The following GINM1 variants were observed in gnomAD, a reference collection of about 807,000 sequenced individuals.
GINM1 encodes the protein glycosylated integral membrane protein 1, also known as glycoprotein integral membrane protein 1.
GINM1 carries 29 observed loss-of-function variants against 37.8 expected under a neutral mutation model. That is an observed-to-expected ratio of 0.77 (90% CI 0.57 to 1.05). The LOEUF is 1.05. Ranked by LOEUF, GINM1 falls within the 50% of genes least tolerant of loss-of-function variation. GINM1 has a pLI of 0.00. For synonymous variants in GINM1, 143 were observed against 146.2 expected, an observed-to-expected ratio of 0.98 and a Z score of 0.16; for missense variants, 377 against 397.9, an observed-to-expected ratio of 0.95 and a Z score of 0.45.
At chr6:149,575,246 C>A (rs1430182483) in intron 3 of GINM1, among the ~76,000 whole-genome samples, 2 of 152,206 alleles carry the variant, frequency 1.3e-5, no homozygotes, top group Non-Finnish European at 2.9e-5. Context: ...CATTTTCCTT[C>A]GGCCTAAAGA....
chr6:149,566,499 GC>G lies in GINM1; in HGVS notation c.90del (p.Glu31SerfsTer17). On this transcript the variant is annotated frameshift_variant, in exon 1 of 8. Transcript: ENST00000367419. LOFTEE classifies it high-confidence loss of function. The surrounding 1 kb of genome is among the most constrained non-coding windows in gnomAD (Gnocchi z 4.4). ...CGCCTCCGGCTGGCTGACGACGGGC[GC>G]CCCCGAGCCGCCGCCGCTGTCCGGA... The part of the protein sequence containing the change: ...LPASGWLTTG[A>X]PEPPPLSGAP... 4 of 1,536,048 alleles carry G rather than the reference GC, an allele frequency of 2.6e-6. No individual in the cohort carries two copies. Among genetic ancestry groups the G allele is most frequent in the African/African-American group, 1.4e-5 (1 of 71,318 alleles).
chr6:149,581,999 TC>T, intron 6 of GINM1: 2 of 470,678 alleles, frequency 4.2e-6, no homozygotes, highest in South Asian at 3.1e-5. Flanking sequence ...ACAGTGAACT[TC>T]CCATGTATTC....
intron 7 of GINM1, 48 bp from the exon 8 acceptor site, chr6:149,590,679 C>A: frequency 1.0e-6 from 1 of 969,862 alleles, no homozygotes; most frequent in South Asian, 1.4e-5. Flanking sequence ...AAACTACAGG[C>A]AGAGGAAACA....
intron 1 of GINM1, among the ~76,000 whole-genome samples, chr6:149,567,872 A>T (rs1019409463): frequency 1.3e-5 from 2 of 152,350 alleles, no homozygotes; most frequent in Admixed American, 6.5e-5. Flanking sequence ...AAAGTGAAAT[A>T]GTTCTAAAAA....
chr6:149,586,588 C>T lies in GINM1; in HGVS notation c.881+3985C>T, dbSNP rs145539177. On this transcript the variant is annotated intron_variant, in intron 7 of 7. Transcript: ENST00000367419. Reference sequence around the variant, plus strand: ...ATGAAGTAACCTCAAGGTAATATTACACATGAAGTCTCTTGAAAATTTATA... The same window carrying T: ...ATGAAGTAACCTCAAGGTAATATTATACATGAAGTCTCTTGAAAATTTATA... 3.3e-5 allele frequency among the ~76,000 whole-genome samples: 5 copies of T among 152,308 alleles called. No individual in the cohort carries two copies. The East Asian group carries it at 9.6e-4, about 29-fold the overall frequency.
In GINM1 at chr6:149,591,066, G is replaced by C. The variant is rs773490740; in HGVS notation, c.*228G>C. ...TCCCAGGACTTTGGGAGGCCAATGC[G>C]GGCGGATCACGAGGTCAGATCAAGA... On this transcript the variant is annotated 3_prime_UTR_variant, in exon 8 of 8. Transcript: ENST00000367419. 4 of 407,594 alleles carry C rather than the reference G, an allele frequency of 9.8e-6. No homozygotes were observed. The highest frequency in any genetic ancestry group is 1.8e-5 in the Non-Finnish European group (4 of 228,424). The allele number at this position is 407,594 out of a possible 1,614,324, so 25.2% of individuals were successfully genotyped here.
In GINM1 at chr6:149,566,577, T is replaced by C. The variant is rs9485403; in HGVS notation, c.120+43T>C. On this transcript the variant is annotated intron_variant, in intron 1 of 7. Coordinates refer to ENST00000367419, the MANE Select transcript of GINM1 (RefSeq NM_138785.5). The surrounding 1 kb of genome is among the most constrained non-coding windows in gnomAD (Gnocchi z 4.4). ...TGGCTGGCCGCTTTACGACTCCGAC[T>C]CTCCGGGAGGCCCGGGCTGTCCACA... 32,901 of 1,451,252 alleles carry C rather than the reference T, an allele frequency of 0.023. 6,295 individuals carry two copies. In the African/African-American group the frequency reaches 0.42, roughly 18 times the overall value. The allele number at this position is 1,451,252 out of a possible 1,614,324, so 89.9% of individuals were successfully genotyped here.
chr6:149,579,377 G>C (rs1777963137), intron 4 of GINM1, among the ~76,000 whole-genome samples: 1 of 152,232 alleles, frequency 6.6e-6, no homozygotes. Flanking sequence ...GTGCCCCAAA[G>C]TGGGAGTACG....
In GINM1 at chr6:149,571,129, C is replaced by T. The variant is rs114760697; in HGVS notation, c.121-1156C>T. ...GGGAGTTCGCAACCAGCCTGACCAA[C>T]GTGGTGAAACCCCCGTCTCTACTAA... On this transcript the variant is annotated intron_variant, in intron 1 of 7. Transcript: ENST00000367419. 5.6e-4 allele frequency among the ~76,000 whole-genome samples: 85 copies of T among 152,142 alleles called. 1 individual carries two copies. The highest frequency in any genetic ancestry group is 2.0e-3 in the African/African-American group (83 of 41,498).
rs775946146 is a variant in GINM1 at position 149,590,849 on chromosome 6, C to G, written c.*11C>G. On this transcript the variant is annotated 3_prime_UTR_variant, in exon 8 of 8. Transcript: ENST00000367419. ...AAAACATGTATTTAAAACGCCATCTCATATCATGGACTCCGAAGTAGCCTG... is the reference window on the plus strand; with the variant it reads ...AAAACATGTATTTAAAACGCCATCTGATATCATGGACTCCGAAGTAGCCTG... The G allele has an allele frequency of 7.7e-7, 1 of 1,296,298 alleles. No individual in the cohort carries two copies. The highest frequency in any genetic ancestry group is 1.1e-6 in the Non-Finnish European group (1 of 897,152). The allele number at this position is 1,296,298 out of a possible 1,614,324, so 80.3% of individuals were successfully genotyped here. A position where few individuals can be genotyped will look rare whatever the true frequency, so the allele number is the denominator to read the frequency against.
At chr6:149,579,797 T>A (rs779253652) in intron 4 of GINM1, 37 bp from the exon 5 acceptor site, 1 of 1,349,690 alleles carries the variant, frequency 7.4e-7, no homozygotes. Flanking sequence ...GCTGTGCTAC[T>A]ATTTAAAATA....
Position 149,590,735 on chromosome 6 carries a change from TTCAG to T in GINM1, c.892_895del (p.Gln298TrpfsTer9). 1 of 1,521,378 alleles carries T rather than the reference TTCAG, an allele frequency of 6.6e-7. No homozygotes were observed. Among genetic ancestry groups the T allele is most frequent in the East Asian group, 2.2e-5 (1 of 44,472 alleles). 94.2% of individuals were successfully genotyped at this position (1,521,378 alleles called of 1,614,324 possible). On this transcript the variant is annotated frameshift_variant, in exon 8 of 8. Transcript: ENST00000367419. LOFTEE classifies it high-confidence loss of function. ...ATCACTTTCTATTTCAGAGGAATTC[TTCAG>T]TTGGATAAAGTGGACGTCATACCTG...
intron 3 of GINM1, 94 bp from the exon 4 acceptor site, chr6:149,578,728 C>A: frequency 1.2e-6 from 1 of 838,420 alleles, no homozygotes; most frequent in Non-Finnish European, 1.8e-6. Context: ...TTTCAACTGT[C>A]TTGTTCCATG....
intron 3 of GINM1, among the ~76,000 whole-genome samples, chr6:149,575,243 C>T (rs533217157): frequency 6.6e-6 from 1 of 152,326 alleles, no homozygotes; most frequent in South Asian, 2.1e-4. Flanking sequence ...TGTCATTTTC[C>T]TTCGGCCTAA....
chr6:149,569,328 G>C (rs565070733), intron 1 of GINM1, among the ~76,000 whole-genome samples: 1 of 140,926 alleles, frequency 7.1e-6, no homozygotes, highest in Non-Finnish European at 1.5e-5. Context: ...GAGCCACTGC[G>C]CCCGGTCACT....
intron 1 of GINM1, among the ~76,000 whole-genome samples, chr6:149,570,184 ATATATATATATAT>A (rs1777794865): frequency 2.1e-5 from 2 of 97,292 alleles, no homozygotes; most frequent in Non-Finnish European, 4.3e-5. Context: ...ATATATATAT[ATATATATATATAT>A]AAAGTTCAGT....
chr6:149,588,716 C>T (rs938800935), intron 7 of GINM1, among the ~76,000 whole-genome samples: 2 of 151,912 alleles, frequency 1.3e-5, no homozygotes, highest in South Asian at 2.1e-4. Flanking sequence ...AGCCTTGACC[C>T]TCCTGGGTTC....
At chr6:149,569,375 C>G (rs953292613) in intron 1 of GINM1, among the ~76,000 whole-genome samples, 4 of 140,842 alleles carry the variant, frequency 2.8e-5, no homozygotes, top group Non-Finnish European at 6.1e-5. Context: ...CTCGCTCTGT[C>G]CCCCATCCTG....
At chr6:149,584,794 T>C (rs1422772777) in intron 7 of GINM1, among the ~76,000 whole-genome samples, 1 of 149,324 alleles carries the variant, frequency 6.7e-6, no homozygotes, top group Admixed American at 6.7e-5. Context: ...TTGTATATAT[T>C]TTATATAAAT....
Sources: gnomAD v4.1 joint callset for allele counts (sites outside exome capture counted in the v4.1 genomes callset) on GRCh38, gnomAD v4.1.1 for gene constraint, Gnocchi (gnomAD v3.1) non-coding constraint, MANE v1.5 for transcripts, NCBI Gene and HGNC (gene_info 2026-07-23, HGNC 2026-07-21) for gene names.